The following TMTC1 variants were observed in gnomAD, a reference collection of about 807,000 sequenced individuals.
The protein encoded by TMTC1 is protein O-mannosyl-transferase TMTC1.
A neutral mutation model predicts 104.8 loss-of-function variants in TMTC1; 73 were observed. That is an observed-to-expected ratio of 0.70 (90% CI 0.58 to 0.85). TMTC1 has a LOEUF of 0.85. TMTC1 is among the 40% of genes least tolerant of loss of function. The probability of loss-of-function intolerance (pLI) is 0.00; values close to 1 mark genes in which losing one functional copy is unlikely to be tolerated. For synonymous variants in TMTC1, 434 were observed against 428.7 expected (o/e 1.01, Z -0.15); for missense variants, 1,035 against 1,096.1 (o/e 0.94, Z 0.79).
chr12:29,700,378 T>A (rs1941553904), intron 5 of TMTC1, among the ~76,000 whole-genome samples: 1 of 151,884 alleles, frequency 6.6e-6, no homozygotes, highest in African/African-American at 2.4e-5. Flanking sequence ...GCTCTTTTAA[T>A]ATTTTGTAGA....
intron 5 of TMTC1, chr12:29,659,868 A>T: frequency 6.6e-7 from 1 of 1,512,474 alleles, no homozygotes; most frequent in Non-Finnish European, 8.8e-7. Flanking sequence ...TAAAAAAATT[A>T]TTTATACTAA....
intron 5 of TMTC1, among the ~76,000 whole-genome samples, chr12:29,652,300 C>A (rs1467311772): frequency 1.3e-5 from 2 of 152,258 alleles, no homozygotes; most frequent in South Asian, 4.1e-4. Context: ...AGAATTTAAG[C>A]CAGTTTTCTT....
intron 5 of TMTC1, among the ~76,000 whole-genome samples, chr12:29,665,746 A>C (rs1459953127): frequency 6.6e-6 from 1 of 152,138 alleles, no homozygotes. Context: ...AATCCCGCTA[A>C]ATCAGTTTAG....
At chr12:29,508,479 G>T (rs1943748974) in intron 17 of TMTC1, among the ~76,000 whole-genome samples, 2 of 152,166 alleles carry the variant, frequency 1.3e-5, no homozygotes, top group South Asian at 4.1e-4. Flanking sequence ...GTCAGCCCCA[G>T]TGAAGTGCCT....
At chr12:29,625,126 G>A (rs936319048) in intron 6 of TMTC1, among the ~76,000 whole-genome samples, 4 of 152,134 alleles carry the variant, frequency 2.6e-5, no homozygotes, top group South Asian at 2.1e-4. Context: ...CAGGTGGACC[G>A]ACCTGTGCTT....
At chr12:29,583,368 T>C (rs750495992) in intron 8 of TMTC1, 39 bp downstream of exon 8, 1 of 1,583,912 alleles carries the variant, frequency 6.3e-7, no homozygotes, top group East Asian at 2.3e-5. Context: ...AGCAAAGAAA[T>C]AAACAGGAAG....
chr12:29,636,928 C>T (rs1251481615), intron 5 of TMTC1, among the ~76,000 whole-genome samples: 1 of 151,370 alleles, frequency 6.6e-6, no homozygotes, highest in East Asian at 1.9e-4. Context: ...TGGTGGCACA[C>T]ACCTGTAGTC....
chr12:29,649,197 C>T (rs1348569923), intron 5 of TMTC1, among the ~76,000 whole-genome samples: 1 of 152,190 alleles, frequency 6.6e-6, no homozygotes, highest in Non-Finnish European at 1.5e-5. Flanking sequence ...TCTATGTCTA[C>T]TCACCCTCTT....
intron 17 of TMTC1, among the ~76,000 whole-genome samples, chr12:29,508,045 A>G (rs1339636235): frequency 1.3e-5 from 2 of 152,216 alleles, no homozygotes; most frequent in African/African-American, 4.8e-5. Context: ...AAAAGCTTAG[A>G]CACATAGTGA....
At chr12:29,680,469 C>G (rs1047218256) in intron 5 of TMTC1, among the ~76,000 whole-genome samples, 4 of 152,090 alleles carry the variant, frequency 2.6e-5, no homozygotes, top group Non-Finnish European at 5.9e-5. Context: ...TTAATAAAGC[C>G]CTTTCCTTTT....
intron 5 of TMTC1, among the ~76,000 whole-genome samples, chr12:29,750,979 T>C (rs302334): frequency 0.86 from 130,264 of 152,316 alleles, 55,966 homozygotes; most frequent in Admixed American, 0.89. Context: ...CCCAAAGCAC[T>C]GGCAGTCTGG....
chr12:29,524,385 T>TTA (rs1944275085), intron 11 of TMTC1, among the ~76,000 whole-genome samples: 1 of 152,206 alleles, frequency 6.6e-6, no homozygotes, highest in African/African-American at 2.4e-5. Flanking sequence ...ATGCATTTAT[T>TTA]TACATGTAAC....
Position 29,506,804 on chromosome 12 carries a change from G to A in TMTC1, c.*42C>T, listed in dbSNP as rs941733568. On this transcript the variant is annotated 3_prime_UTR_variant, in exon 18 of 18. Coordinates refer to ENST00000539277, the MANE Select transcript of TMTC1 (RefSeq NM_001193451.2). ...CAAGGCTTCCATCACTCCCCTTTCA[G>A]AGGCACCACATTATCCTATGAGGTT... 6.2e-7 allele frequency: 1 copy of A among 1,611,158 alleles called. No individual in the cohort carries two copies. The highest frequency in any genetic ancestry group is 8.5e-7 in the Non-Finnish European group (1 of 1,177,744).
chr12:29,768,922 G>T (rs941138961), intron 1 of TMTC1, among the ~76,000 whole-genome samples: 1 of 152,174 alleles, frequency 6.6e-6, no homozygotes, highest in African/African-American at 2.4e-5. Flanking sequence ...AATTGATTCT[G>T]TGGGGTTACA....
rs780850777 is a variant in TMTC1, at chr12:29,556,887, C to T, written c.1646G>A (p.Arg549Gln). The change falls in exon 10 of 18, where the codon CGG becomes CAG. Residue 549 changes from arginine (R) to glutamine (Q), a missense_variant. Coordinates refer to ENST00000539277, the MANE Select transcript of TMTC1 (RefSeq NM_001193451.2). ...RALQLHPQHN[R>Q]ALFNLGNLLK... ...GAGATTCCCCAGATTGAAAAGAGCCCGGTTATGCTGTGGATGGAGCTGGAG... is the reference window on the plus strand; with the variant it reads ...GAGATTCCCCAGATTGAAAAGAGCCTGGTTATGCTGTGGATGGAGCTGGAG... 43 of 1,613,996 alleles carry T rather than the reference C, an allele frequency of 2.7e-5. No homozygotes were observed. The highest frequency in any genetic ancestry group is 1.6e-4 in the Middle Eastern group (1 of 6,084).
intron 5 of TMTC1, among the ~76,000 whole-genome samples, chr12:29,679,797 T>C (rs1434793323): frequency 6.6e-6 from 1 of 152,072 alleles, no homozygotes; most frequent in Non-Finnish European, 1.5e-5. Flanking sequence ...TAGAGAGACC[T>C]CAGGACTAGA....
upstream of TMTC1, chr12:29,784,033 G>C (rs1194485842): frequency 3.1e-5 from 5 of 160,428 alleles, no homozygotes; most frequent in Non-Finnish European, 1.3e-5. Context: ...CCCCAATCCC[G>C]GGACGCGGGC....
At chr12:29,714,656 A>G (rs1942028387) in intron 5 of TMTC1, among the ~76,000 whole-genome samples, 2 of 152,084 alleles carry the variant, frequency 1.3e-5, no homozygotes, top group Non-Finnish European at 2.9e-5. Context: ...GATCTGGGGT[A>G]CCCCCCCTGG....
At chr12:29,679,745 G>A (rs972702831) in intron 5 of TMTC1, among the ~76,000 whole-genome samples, 6 of 152,020 alleles carry the variant, frequency 3.9e-5, no homozygotes, top group African/African-American at 1.4e-4. Flanking sequence ...AAAGAAGAAA[G>A]GGTAACCTAT....
Sources: gnomAD v4.1 joint callset for allele counts (sites outside exome capture counted in the v4.1 genomes callset) on GRCh38, gnomAD v4.1.1 for gene constraint, MANE v1.5 for transcripts, NCBI Gene and HGNC (gene_info 2026-07-23, HGNC 2026-07-21) for gene names.